The following IGF2BP3 variants were observed in gnomAD, a reference collection of about 807,000 sequenced individuals.
The protein encoded by IGF2BP3 is insulin-like growth factor 2 mRNA-binding protein 3.
Under a neutral mutation model 73.8 loss-of-function variants are expected in IGF2BP3, and 9 were observed. The observed-to-expected ratio is 0.12, with a 90% CI of 0.07 to 0.21. The LOEUF (loss-of-function observed/expected upper bound fraction) is 0.21, where lower values mean the gene tolerates loss of function less well. Ranked by LOEUF, IGF2BP3 falls within the 10% of genes least tolerant of loss-of-function variation. The pLI is 1.00. For missense variants in IGF2BP3, 542 were observed against 714.0 expected, an observed-to-expected ratio of 0.76 and a Z score of 2.75; for synonymous variants, 258 against 256.7, an observed-to-expected ratio of 1.01 and a Z score of -0.05.
chr7:23,446,387 C>T (rs185496048), intron 2 of IGF2BP3, among the ~76,000 whole-genome samples: 4 of 152,104 alleles, frequency 2.6e-5, no homozygotes, highest in Admixed American at 1.3e-4. Context: ...CATGGTGAAA[C>T]CTCATCTCTA....
chr7:23,340,498 A>T lies in IGF2BP3; in HGVS notation c.1203+1566T>A, dbSNP rs1330537657. On this transcript the variant is annotated intron_variant, in intron 10 of 14. Transcript: ENST00000258729. ...CAATTTCAATGTCATTTTACTCTAC[A>T]TATTTATTCTAGGTAGTAATACAGT... Among the ~76,000 whole-genome samples, 3 of 152,176 alleles carry T rather than the reference A, an allele frequency of 2.0e-5. No individual in the cohort carries two copies. The East Asian group carries it at 5.8e-4, about 29-fold the overall frequency.
chr7:23,438,922 T>G (rs1787866190), intron 2 of IGF2BP3, among the ~76,000 whole-genome samples: 1 of 152,172 alleles, frequency 6.6e-6, no homozygotes, highest in South Asian at 2.1e-4. Flanking sequence ...TTAAAAATGT[T>G]ACATATTTTT....
At chr7:23,442,700 T>C (rs552769326) in intron 2 of IGF2BP3, among the ~76,000 whole-genome samples, 2 of 152,184 alleles carry the variant, frequency 1.3e-5, no homozygotes, top group African/African-American at 4.8e-5. Flanking sequence ...GCCCAGTCTG[T>C]TTTTTTCATT....
At chr7:23,400,824 G>A (rs561827068) in intron 3 of IGF2BP3, among the ~76,000 whole-genome samples, 1 of 152,338 alleles carries the variant, frequency 6.6e-6, no homozygotes, top group South Asian at 2.1e-4. Flanking sequence ...TTCTGAGATG[G>A]AGCCTTGCTC....
intron 5 of IGF2BP3, among the ~76,000 whole-genome samples, chr7:23,352,103 G>A (rs1310359652): frequency 6.6e-6 from 1 of 151,960 alleles, no homozygotes; most frequent in Non-Finnish European, 1.5e-5. Context: ...CCATTTACAA[G>A]AGACTATTCT....
At chr7:23,361,478 T>C (rs1045216371) in intron 5 of IGF2BP3, 56 bp downstream of exon 5, 60 of 1,437,746 alleles carry the variant, frequency 4.2e-5, no homozygotes, top group Non-Finnish European at 5.5e-5. Context: ...CCGCAAAATA[T>C]GTTACTGTAC....
intron 3 of IGF2BP3, among the ~76,000 whole-genome samples, chr7:23,408,663 A>G (rs933319809): frequency 2.0e-5 from 3 of 152,178 alleles, no homozygotes; most frequent in Non-Finnish European, 4.4e-5. Flanking sequence ...AAGGAGAGGA[A>G]AAGAAGAACT....
At chr7:23,319,347 G>A in intron 10 of IGF2BP3, 93 bp from the exon 11 acceptor site, 1 of 752,256 alleles carries the variant, frequency 1.3e-6, no homozygotes, top group Admixed American at 2.4e-5. Flanking sequence ...TTCTCATGCA[G>A]TAGGAATACC....
At chr7:23,460,265 G>A (rs1006200051) in intron 2 of IGF2BP3, among the ~76,000 whole-genome samples, 1 of 150,278 alleles carries the variant, frequency 6.7e-6, no homozygotes, top group Admixed American at 6.6e-5. Flanking sequence ...AACTGGCCAG[G>A]AGCGGTAGTC....
intron 2 of IGF2BP3, among the ~76,000 whole-genome samples, chr7:23,431,703 C>A (rs755289722): frequency 6.6e-6 from 1 of 152,014 alleles, no homozygotes; most frequent in Admixed American, 6.6e-5. Flanking sequence ...AATTATGGTC[C>A]GAGAACCACC....
chr7:23,458,497 C>T (rs1788371109), intron 2 of IGF2BP3, among the ~76,000 whole-genome samples: 1 of 152,188 alleles, frequency 6.6e-6, no homozygotes, highest in Non-Finnish European at 1.5e-5. Context: ...GTGGACTCCA[C>T]TCCAGATACC....
rs574673010 is a variant in IGF2BP3 at position 23,322,923 on chromosome 7, G to A, written c.1204-3669C>T. Among the ~76,000 whole-genome samples the A allele has an allele frequency of 1.6e-3, 249 of 152,102 alleles. 1 individual carries two copies. The highest frequency in any genetic ancestry group is 5.0e-3 in the African/African-American group (208 of 41,490). On this transcript the variant is annotated intron_variant, in intron 10 of 14. Coordinates refer to ENST00000258729, the MANE Select transcript of IGF2BP3 (RefSeq NM_006547.3). ...CCCTAAAAGAGCTCCTGAAGGAAGC[G>A]CTAAACATGGAAAGGAACAACCGGT...
rs535540262 is a variant in IGF2BP3, at chr7:23,469,906, G to A, written c.175+30C>T. On this transcript the variant is annotated intron_variant, in intron 1 of 14. Coordinates refer to ENST00000258729, the MANE Select transcript of IGF2BP3 (RefSeq NM_006547.3). This position sits in a 1 kb window ranked among gnomAD's most constrained non-coding sequence, Gnocchi z 6.1. ...GGCGGGCGGTGCAGGGCTGGGGCGA[G>A]AGCCCGGGTGGGGCCAGGCCCGGGC... The A allele has an allele frequency of 1.3e-6, 2 of 1,567,148 alleles. No homozygotes were observed. The highest frequency in any genetic ancestry group is 1.2e-5 in the South Asian group (1 of 85,372).
intron 2 of IGF2BP3, among the ~76,000 whole-genome samples, chr7:23,436,350 T>A (rs1023957713): frequency 6.6e-6 from 1 of 152,242 alleles, no homozygotes; most frequent in African/African-American, 2.4e-5. Flanking sequence ...GTCTTCAATT[T>A]GTTTTGAAAT....
intron 2 of IGF2BP3, among the ~76,000 whole-genome samples, chr7:23,467,195 T>C (rs1201576154): frequency 2.0e-5 from 3 of 152,082 alleles, no homozygotes; most frequent in Admixed American, 2.0e-4. Context: ...ACAAGAAAAA[T>C]CCAAACCAAC....
chr7:23,464,507 A>C (rs1005304617), intron 2 of IGF2BP3, among the ~76,000 whole-genome samples: 1 of 152,016 alleles, frequency 6.6e-6, no homozygotes, highest in Non-Finnish European at 1.5e-5. Flanking sequence ...TAGGCACCAC[A>C]GTCTGTTTTA....
chr7:23,454,472 C>T (rs942420243), intron 2 of IGF2BP3, among the ~76,000 whole-genome samples: 1 of 152,168 alleles, frequency 6.6e-6, no homozygotes, highest in African/African-American at 2.4e-5. Context: ...CCCCATTTTC[C>T]ACTACCACAT....
chr7:23,392,231 C>T (rs1369842261), intron 3 of IGF2BP3, among the ~76,000 whole-genome samples: 2 of 152,020 alleles, frequency 1.3e-5, no homozygotes, highest in African/African-American at 4.8e-5. Context: ...ACCATCAGTC[C>T]CTTCTTCACT....
chr7:23,470,027 C>A lies in IGF2BP3; in HGVS notation c.84G>T (p.Pro28=). The part of the protein sequence containing the change: ...LESIFKDAKI[P]VSGPFLVKTG... ...TCTTCACCAGGAAGGGTCCCGACACCGGGATCTTGGCGTCCTTGAAGATAC... is the reference window on the plus strand; with the variant it reads ...TCTTCACCAGGAAGGGTCCCGACACAGGGATCTTGGCGTCCTTGAAGATAC... The change falls in exon 1 of 15, where the codon CCG becomes CCT. Residue 28 remains proline, a synonymous_variant. Coordinates refer to ENST00000258729, the MANE Select transcript of IGF2BP3 (RefSeq NM_006547.3). 6.2e-7 allele frequency: 1 copy of A among 1,612,882 alleles called. No homozygotes were observed. The highest frequency in any genetic ancestry group is 8.5e-7 in the Non-Finnish European group (1 of 1,179,754).
Sources: allele counts gnomAD v4.1 joint callset (sites outside exome capture counted in the v4.1 genomes callset), GRCh38; gene constraint gnomAD v4.1.1; non-coding constraint Gnocchi (gnomAD v3.1); transcripts MANE v1.5; gene names NCBI Gene and HGNC (gene_info 2026-07-23, HGNC 2026-07-21).